The following IAH1 variants were observed in gnomAD, a reference collection of about 807,000 sequenced individuals.
IAH1 encodes the protein isoamyl acetate-hydrolyzing esterase 1 homolog.
IAH1 carries 24 observed loss-of-function variants against 26.7 expected under a neutral mutation model. That is an observed-to-expected ratio of 0.90 (90% confidence interval 0.65 to 1.26). The LOEUF is 1.26. IAH1 is among the 50% of genes most tolerant of loss of function. IAH1 has a pLI of 0.00. For missense variants in IAH1, 300 were observed against 299.9 expected, an observed-to-expected ratio of 1.00 and a Z score of 0.00; for synonymous variants, 140 against 118.5, an observed-to-expected ratio of 1.18 and a Z score of -1.18.
chr2:9,497,179 C>G (rs1184105835), downstream of IAH1: 1 of 1,614,226 alleles, frequency 6.2e-7, no homozygotes, highest in Admixed American at 1.7e-5. Flanking sequence ...CCCATCCTTA[C>G]ACTTGCCAAG....
At chr2:9,511,816 T>C in the IAH1 span, among the ~76,000 whole-genome samples, 1 of 151,648 alleles carries the variant, frequency 6.6e-6, no homozygotes, top group Non-Finnish European at 1.5e-5. Context: ...ACTAAAAATA[T>C]AAAACCTAGC....
At chr2:9,479,934 G>A (rs186485288) in intron 3 of IAH1, among the ~76,000 whole-genome samples, 93 of 147,544 alleles carry the variant, frequency 6.3e-4, no homozygotes, top group African/African-American at 2.1e-3. Flanking sequence ...TCAGCCTCCC[G>A]AGTAGCTGGG....
downstream of IAH1, chr2:9,490,019 A>AACCACACAAGAACTGTT (rs1553355485): frequency 4.5e-6 from 3 of 668,598 alleles, no homozygotes; most frequent in African/African-American, 5.4e-5. Flanking sequence ...AGAAGGGCCA[A>AACCACACAAGAACTGTT]ACCACACAAG....
chr2:9,498,876 C>T (rs1662809570), downstream of IAH1, among the ~76,000 whole-genome samples: 1 of 152,134 alleles, frequency 6.6e-6, no homozygotes, highest in African/African-American at 2.4e-5. Context: ...GAGTATTAGA[C>T]AGGTAGGAAA....
chr2:9,490,795 A>C (rs1049746229), downstream of IAH1, among the ~76,000 whole-genome samples: 56 of 152,356 alleles, frequency 3.7e-4, no homozygotes, highest in African/African-American at 1.3e-3. Flanking sequence ...AAGAGGATTC[A>C]AACCTCTCAA....
At chr2:9,494,379 A>C (rs967807747), downstream of IAH1, among the ~76,000 whole-genome samples, 2 of 152,158 alleles carry the variant, frequency 1.3e-5, no homozygotes, top group Non-Finnish European at 2.9e-5. Flanking sequence ...CCTGAAACCA[A>C]CCAACTTTAC....
intron 1 of IAH1, chr2:9,475,570 G>C (rs973621539): frequency 4.5e-6 from 1 of 223,596 alleles, no homozygotes; most frequent in Non-Finnish European, 9.2e-6. Flanking sequence ...GCGCGATCTC[G>C]GCTCACTGCA....
chr2:9,486,480 G>A (rs1301191668), intron 5 of IAH1: 2 of 152,152 alleles, frequency 1.3e-5, no homozygotes, highest in Non-Finnish European at 2.9e-5. Flanking sequence ...GAAAACCAAG[G>A]CCGAAGAAGA....
intron 5 of IAH1, chr2:9,486,630 C>A: frequency 6.6e-6 from 1 of 152,176 alleles, no homozygotes; most frequent in Middle Eastern, 3.4e-3. Context: ...GAGTTCGAGA[C>A]CAGCCTGGCC....
At chr2:9,474,539 G>GCCCCCCC, upstream of IAH1, 7 of 1,316,276 alleles carry the variant, frequency 5.3e-6, no homozygotes, top group Non-Finnish European at 6.8e-6. The surrounding 1 kb of genome is among the most constrained non-coding windows in gnomAD (Gnocchi z 4.3). Context: ...GTGGCTGGCG[G>GCCCCCCC]CCCCGCCCCG....
At chr2:9,499,586 T>C (rs1662878170), downstream of IAH1, among the ~76,000 whole-genome samples, 1 of 152,088 alleles carries the variant, frequency 6.6e-6, no homozygotes, top group Non-Finnish European at 1.5e-5. Flanking sequence ...TATCTTTTAG[T>C]AGACACAGGG....
At chr2:9,497,244 A>C (rs754585612), downstream of IAH1, 4 of 1,614,076 alleles carry the variant, frequency 2.5e-6, no homozygotes, top group Admixed American at 5.0e-5. Flanking sequence ...ACTCACTGCT[A>C]TTACCTGGAA....
intron 5 of IAH1, chr2:9,487,504 A>T (rs1661584959): frequency 6.6e-6 from 1 of 152,200 alleles, no homozygotes; most frequent in South Asian, 2.1e-4. Context: ...GAATCATGTC[A>T]TATGATTCAG....
At chr2:9,480,213 G>A (rs1457329525) in intron 3 of IAH1, among the ~76,000 whole-genome samples, 2 of 152,098 alleles carry the variant, frequency 1.3e-5, no homozygotes, top group Non-Finnish European at 2.9e-5. Flanking sequence ...ACTATTTATG[G>A]ACACAGAAAA....
rs200478310 is a variant in IAH1, at chr2:9,484,448, C to T, written c.462C>T (p.Arg154=). 6.2e-7 allele frequency: 1 copy of T among 1,614,134 alleles called. No homozygotes were observed. The highest frequency in any genetic ancestry group is 1.3e-5 in the African/African-American group (1 of 75,046). ...CTTCAATAGGTTGCAAACTAAATCG[C>T]CTGAACTCTGTTGTTGGTGAATATG... ...QCIIQGCKLN[R]LNSVVGEYAN... The change falls in exon 5 of 6, where the codon CGC becomes CGT. Residue 154 remains arginine (R), a synonymous_variant. Coordinates refer to ENST00000497473, the MANE Select transcript of IAH1 (RefSeq NM_001039613.3).
chr2:9,504,763 GAA>G, the IAH1 span, among the ~76,000 whole-genome samples: 421 of 117,738 alleles, frequency 3.6e-3, 1 homozygote, highest in African/African-American at 0.011. Flanking sequence ...TCTGTCTCAG[GAA>G]AAAAAAAAAA....
At chr2:9,502,267 G>T in the IAH1 span, 1 of 1,613,262 alleles carries the variant, frequency 6.2e-7, no homozygotes, top group Non-Finnish European at 8.5e-7. Flanking sequence ...AGCAAGGACT[G>T]TTCCTGTCAC....
downstream of IAH1, among the ~76,000 whole-genome samples, chr2:9,499,971 G>T (rs1227242180): frequency 6.6e-6 from 1 of 152,188 alleles, no homozygotes; most frequent in Non-Finnish European, 1.5e-5. Context: ...ACTGTAAAAT[G>T]GTGTAGCCAT....
chr2:9,479,273 G>A (rs1262183216), intron 3 of IAH1, among the ~76,000 whole-genome samples: 1 of 150,870 alleles, frequency 6.6e-6, no homozygotes, highest in Non-Finnish European at 1.5e-5. Context: ...TTTAGCATAA[G>A]GAAAAAACAC....
Sources: allele counts gnomAD v4.1 joint callset (sites outside exome capture counted in the v4.1 genomes callset), GRCh38; gene constraint gnomAD v4.1.1; non-coding constraint Gnocchi (gnomAD v3.1); transcripts MANE v1.5; gene names NCBI Gene and HGNC (gene_info 2026-07-23, HGNC 2026-07-21).